Variants in NCOR2 observed in about 807,000 individuals in gnomAD.
NCOR2 encodes the protein nuclear receptor corepressor 2.
A neutral mutation model predicts 262.9 loss-of-function variants in NCOR2; 81 were observed. The observed-to-expected ratio is 0.31, with a 90% CI of 0.26 to 0.37. The LOEUF (loss-of-function observed/expected upper bound fraction) is 0.37. Among genes scored for constraint, NCOR2 ranks in the 10% least tolerant of loss-of-function variants. NCOR2 has a pLI of 1.00. For missense variants in NCOR2, 3,385 were observed against 3,621.4 expected, an observed-to-expected ratio of 0.93 and a Z score of 1.68; for synonymous variants, 1,659 against 1,559.3, an observed-to-expected ratio of 1.06 and a Z score of -1.51.
chr12:124,429,735 C>T (rs774927994), intron 9 of NCOR2, 29 bp from the exon 12 acceptor site: 39 of 1,570,556 alleles, frequency 2.5e-5, no homozygotes, highest in Non-Finnish European at 3.2e-5. Flanking sequence ...CACTCAGGAC[C>T]GGTCTTCTGG....
Position 124,503,492 on chromosome 12 carries a change from TGATG to T in NCOR2, c.-117-8128_-117-8125del, listed in dbSNP as rs909286787. Among the ~76,000 whole-genome samples, 35 of 147,706 alleles carry T rather than the reference TGATG, an allele frequency of 2.4e-4. 1 individual carries two copies. In the Middle Eastern group the frequency reaches 0.011, roughly 45 times the overall value. On this transcript the variant is annotated intron_variant, in intron 1 of 46. Transcript: ENST00000404621. The surrounding 1 kb of genome is among the most constrained non-coding windows in gnomAD (Gnocchi z 4.3). Reference sequence around the variant, plus strand: ...ATGGATGGATGGATGGATGATGGATTGATGGATGGATGGATGGATGGACAGAGGA... The same window carrying T: ...ATGGATGGATGGATGGATGATGGATTGATGGATGGATGGATGGACAGAGGA...
At chr12:124,538,779 G>A (rs530338116), upstream of NCOR2, 83 of 152,552 alleles carry the variant, frequency 5.4e-4, no homozygotes, top group Middle Eastern at 3.4e-3. Flanking sequence ...GCAGGCAAGC[G>A]ATGGTGAGAA....
At chr12:124,422,654 G>C (rs550229391) in intron 11 of NCOR2, 99 bp from the exon 14 acceptor site, 2 of 1,439,226 alleles carry the variant, frequency 1.4e-6, no homozygotes, top group African/African-American at 2.8e-5. Context: ...CACTGGCCGG[G>C]CCTGGCGGGC....
chr12:124,400,447 A>G (rs1025585692), intron 15 of NCOR2, 54 bp downstream of exon 17: 11 of 1,573,338 alleles, frequency 7.0e-6, no homozygotes, highest in Admixed American at 3.4e-5. Context: ...ATATGAGCGC[A>G]ACCCGCCGTG....
exon 25 of NCOR2, chr12:124,354,934 C>T (rs769533262): frequency 6.2e-7 from 1 of 1,613,058 alleles, no homozygotes; most frequent in Non-Finnish European, 8.5e-7. Flanking sequence ...GCTGGACCGA[C>T]ATTCCCTGTA....
rs771184581 is a variant in NCOR2 at position 124,483,659 on chromosome 12, G to A, written c.348C>T (p.Pro116=). ...CCAGCAGGGGTGACGGTCGCAGCAG[G>A]GGGTCAGGCAGCAGCTCTAGCCGAG... The change falls in exon 3 of 47, where the codon CCC becomes CCT. Residue 116 remains proline (P), a synonymous_variant. Transcript: ENST00000405201. The surrounding 1 kb of genome is among the most constrained non-coding windows in gnomAD (Gnocchi z 6.3). 1 of 1,611,792 alleles carries A rather than the reference G, an allele frequency of 6.2e-7. No individual in the cohort carries two copies. The highest frequency in any genetic ancestry group is 1.1e-5 in the South Asian group (1 of 90,624).
At chr12:124,498,060 C>T (rs900434297), upstream of NCOR2, among the ~76,000 whole-genome samples, 2 of 152,150 alleles carry the variant, frequency 1.3e-5, no homozygotes, top group Non-Finnish European at 2.9e-5. Context: ...CTAAACAGTT[C>T]CCGGTCTCTC....
chr12:124,331,795 C>A (rs2035225496), intron 43 of NCOR2: 1 of 159,818 alleles, frequency 6.3e-6, no homozygotes, highest in African/African-American at 2.4e-5. Flanking sequence ...AAGGGAAAAG[C>A]ATCTGTGATT....
At chr12:124,339,928 G>GCAT (rs2036310758) in intron 37 of NCOR2, 78 bp downstream of exon 39, 1 of 404,258 alleles carries the variant, frequency 2.5e-6, no homozygotes, top group Admixed American at 3.2e-5. Flanking sequence ...CTCCCACCAA[G>GCAT]CATCCTCTTA....
chr12:124,530,997 C>T (rs923481473), intron 1 of NCOR2, among the ~76,000 whole-genome samples: 19 of 152,134 alleles, frequency 1.2e-4, no homozygotes, highest in Admixed American at 5.2e-4. Context: ...GGACTCAGGC[C>T]GGGGCATTTA....
intron 7 of NCOR2, among the ~76,000 whole-genome samples, chr12:124,441,327 G>A (rs1026762424): frequency 4.6e-5 from 7 of 152,196 alleles, no homozygotes; most frequent in African/African-American, 1.7e-4. Flanking sequence ...TGCCAGAGCT[G>A]GAACAATGTG....
intron 10 of NCOR2, chr12:124,429,333 A>G (rs2043782998): frequency 2.1e-6 from 1 of 476,868 alleles, no homozygotes; most frequent in Non-Finnish European, 3.8e-6. Context: ...TCGTCCCCCA[A>G]CCCCCTCCCT....
rs1250700317 is a variant in NCOR2, at chr12:124,346,719, G to C, written c.4204C>G (p.Leu1402Val). 7.7e-6 allele frequency: 12 copies of C among 1,564,894 alleles called. No homozygotes were observed. Among genetic ancestry groups the C allele is most frequent in the Non-Finnish European group, 1.0e-5 (12 of 1,155,678 alleles). The stretch of plus-strand genomic sequence containing the variant: ...GCCGGCTTCAGCTTCAGGGGGCCCA[G>C]GGCCTGCGTCTTGTAGGCCTCGGTC... The change falls in exon 31 of 47, where the codon CTG (leucine) becomes GTG (valine). Residue 1402 changes from leucine to valine, a missense_variant. Around this residue, in one of 5 missense-constraint regions of NCOR2, gnomAD observed 1,615 missense variants for 1,626.9 expected, o/e 0.99. Transcript: ENST00000405201.
At chr12:124,480,664 C>T (rs2047403368) in intron 3 of NCOR2, among the ~76,000 whole-genome samples, 1 of 151,914 alleles carries the variant, frequency 6.6e-6, no homozygotes, top group South Asian at 2.1e-4. Context: ...CGTGGCAGGC[C>T]CCAGGCTGGA....
In NCOR2 at chr12:124,327,367, G is replaced by A. The variant is rs750241592; in HGVS notation, c.7183+42C>T. 6.9e-6 allele frequency: 10 copies of A among 1,456,960 alleles called. No individual in the cohort carries two copies. The Admixed American group carries it at 1.5e-4, about 22-fold the overall frequency. 90.3% of individuals were successfully genotyped at this position (1,456,960 alleles called of 1,614,324 possible). A position where few individuals can be genotyped will look rare whatever the true frequency, so the allele number is the denominator to read the frequency against. ...GAGGAGCGAGGATTAATCACACCGG[G>A]GGTGGGGACAGACGGGGGCGGGGCG... is the stretch of plus-strand genomic sequence containing the variant. On this transcript the variant is annotated intron_variant, in intron 45 of 46. Coordinates refer to ENST00000405201, the Ensembl canonical transcript of NCOR2.
Position 124,548,782 on chromosome 12 carries a change from A to C in NCOR2, c.-164-13171T>G, listed in dbSNP as rs837484. 0.21 allele frequency among the ~76,000 whole-genome samples: 31,623 copies of C among 151,898 alleles called. 3,480 individuals are homozygous for C. The highest frequency in any genetic ancestry group is 0.25 in the African/African-American group (10,293 of 41,410). On this transcript the variant is annotated intron_variant, in intron 1 of 32. Transcript: ENST00000458234. This position sits in a 1 kb window ranked among gnomAD's most constrained non-coding sequence, Gnocchi z 5.1. ...TCCATAAAAGTCACCCTCCCTACAC[A>C]GTTTTCAAATGACCTGGCCATTCAA...
chr12:124,428,845 G>A (rs1237894471), intron 10 of NCOR2, among the ~76,000 whole-genome samples: 3 of 152,256 alleles, frequency 2.0e-5, no homozygotes, highest in Non-Finnish European at 2.9e-5. Flanking sequence ...GTCCCCAGAA[G>A]GAAGAAACGT....
Position 124,332,559 on chromosome 12 carries a change from C to T in NCOR2, c.6756-92G>A, listed in dbSNP as rs2035290322. The T allele has an allele frequency of 8.4e-6, 13 of 1,552,104 alleles. No homozygotes were observed. The South Asian group carries it at 1.4e-4, about 16-fold the overall frequency. On this transcript the variant is annotated intron_variant, in intron 42 of 46. Transcript: ENST00000405201. Reference sequence around the variant, plus strand: ...AACTCACCACCTGAGATGCCTTAGACATTTGGAAGCAAGCTTCACCCGCCC... The same window carrying T: ...AACTCACCACCTGAGATGCCTTAGATATTTGGAAGCAAGCTTCACCCGCCC...
At chr12:124,519,129 C>CACACACACACACAA (rs2050030330) in intron 1 of NCOR2, among the ~76,000 whole-genome samples, 1 of 148,346 alleles carries the variant, frequency 6.7e-6, no homozygotes, top group Non-Finnish European at 1.5e-5. Context: ...CACACACACA[C>CACACACACACACAA]ACAGGCCAAC....
Sources: gnomAD v4.1 joint callset for allele counts (sites outside exome capture counted in the v4.1 genomes callset) on GRCh38, gnomAD v4.1.1 for gene constraint, gnomAD v4.1.1 regional missense constraint, Gnocchi (gnomAD v3.1) non-coding constraint, MANE v1.5 for transcripts, NCBI Gene and HGNC (gene_info 2026-07-23, HGNC 2026-07-21) for gene names.